Variants in KANK3 observed in about 807,000 individuals in gnomAD.
KANK3 encodes the protein KN motif and ankyrin repeat domain-containing protein 3.
In KANK3, 61 loss-of-function variants were observed where a neutral mutation model predicts 65.4. The ratio of observed to expected loss-of-function variants is 0.93; its 90% CI spans 0.76 to 1.15. KANK3 has a LOEUF of 1.15. KANK3 is among the 50% of genes most tolerant of loss of function. The pLI, the probability that KANK3 is intolerant of heterozygous loss-of-function variation, is 0.00. For missense variants in KANK3, 1,187 were observed against 1,178.8 expected (o/e 1.01, Z -0.10); for synonymous variants, 586 against 543.3 (o/e 1.08, Z -1.09).
chr19:8,327,951 T>C (rs1970457447), intron 7 of KANK3, among the ~76,000 whole-genome samples: 1 of 152,140 alleles, frequency 6.6e-6, no homozygotes, highest in African/African-American at 2.4e-5. Flanking sequence ...CCCTCTCCCT[T>C]TTCTCTTGCA....
At chr19:8,330,976 T>C (rs767758602) in intron 7 of KANK3, among the ~76,000 whole-genome samples, 7 of 151,720 alleles carry the variant, frequency 4.6e-5, no homozygotes, top group Non-Finnish European at 8.8e-5. Flanking sequence ...GGCAGGCAGA[T>C]GAGTTGAGGT....
At chr19:8,341,043 C>G (rs1420299311) in intron 1 of KANK3, among the ~76,000 whole-genome samples, 1 of 152,086 alleles carries the variant, frequency 6.6e-6, no homozygotes, top group Admixed American at 6.6e-5. Context: ...ACCCAAATCC[C>G]AGGCCCTGGG....
chr19:8,338,039 T>TTG (rs1381297077), intron 1 of KANK3, 183 bp from the exon 2 acceptor site: 1 of 686,714 alleles, frequency 1.5e-6, no homozygotes, highest in Non-Finnish European at 1.8e-6. Context: ...TTTTTTTTTT[T>TTG]GGGACAGAGT....
chr19:8,339,833 A>G (rs2145442485), intron 1 of KANK3, among the ~76,000 whole-genome samples: 1 of 152,164 alleles, frequency 6.6e-6, no homozygotes, highest in Non-Finnish European at 1.5e-5. Flanking sequence ...ATGTGTTGGC[A>G]TGCACCTGTA....
At chr19:8,323,071 A>C (rs1043660778) in intron 10 of KANK3, 149 bp from the exon 11 acceptor site, 1 of 498,566 alleles carries the variant, frequency 2.0e-6, no homozygotes, top group Non-Finnish European at 3.5e-6. Context: ...TCTGACCTGG[A>C]AGAGGCGCTT....
At chr19:8,323,850 C>G (rs764441656) in intron 10 of KANK3, among the ~76,000 whole-genome samples, 1 of 152,196 alleles carries the variant, frequency 6.6e-6, no homozygotes, top group African/African-American at 2.4e-5. Flanking sequence ...TGGCACTTGG[C>G]CATCAGAGTA....
At chr19:8,331,246 A>G (rs962044654) in intron 7 of KANK3, among the ~76,000 whole-genome samples, 1 of 152,052 alleles carries the variant, frequency 6.6e-6, no homozygotes, top group Non-Finnish European at 1.5e-5. Context: ...TGTAGGAGAT[A>G]AAGGGGCCAA....
At chr19:8,336,066 A>G (rs1970632585) in intron 2 of KANK3, among the ~76,000 whole-genome samples, 1 of 150,232 alleles carries the variant, frequency 6.7e-6, no homozygotes, top group South Asian at 2.1e-4. Flanking sequence ...TGGTAATAAT[A>G]ACAGGGAATA....
In KANK3 at chr19:8,333,893, T is replaced by C. The variant is rs1302262635; in HGVS notation, c.1634+17A>G. On this transcript the variant is annotated intron_variant, in intron 5 of 10. Transcript: ENST00000330915. This position sits in a 1 kb window ranked among gnomAD's most constrained non-coding sequence, Gnocchi z 5.0. ...GGCAGCCGCCTCCTCTCCAAACAAC[T>C]AGCGAGCGCCGCTCACCTCCCCTGT... The C allele has an allele frequency of 6.4e-7, 1 of 1,570,950 alleles. No individual in the cohort carries two copies. The highest frequency in any genetic ancestry group is 1.2e-5 in the South Asian group (1 of 86,032).
At chr19:8,325,120 C>T (rs1970402121) in intron 7 of KANK3, 24 bp from the exon 8 acceptor site, 2 of 1,597,924 alleles carry the variant, frequency 1.3e-6, no homozygotes. Flanking sequence ...GGGGGCCGTC[C>T]ACGGAGATGC....
Position 8,334,078 on chromosome 19 carries a change from TCGCTGTCGC to T in KANK3, c.1457_1465del (p.Ser486_Asp489delinsAsn). On this transcript the variant is annotated inframe_deletion, in exon 5 of 11. Transcript: ENST00000330915. ...GGCGCCACCGTTCTCGCTGTCGCCATCGCTGTCGCTGGCGTCCTCGCTGGAGGAGCTCTC... is the reference window on the plus strand; with the variant it reads ...GGCGCCACCGTTCTCGCTGTCGCCATTGGCGTCCTCGCTGGAGGAGCTCTC... The T allele has an allele frequency of 3.3e-6, 4 of 1,198,966 alleles. No homozygotes were observed. The highest frequency in any genetic ancestry group is 4.4e-6 in the Non-Finnish European group (4 of 913,726). 74.3% of individuals were successfully genotyped at this position (1,198,966 alleles called of 1,614,324 possible).
chr19:8,342,183 G>C (rs1345432166), intron 1 of KANK3, among the ~76,000 whole-genome samples: 1 of 152,018 alleles, frequency 6.6e-6, no homozygotes, highest in Non-Finnish European at 1.5e-5. Flanking sequence ...TAGTAGAGAC[G>C]GGTTTCATCA....
At chr19:8,337,746 T>C (rs765284390) in intron 2 of KANK3, 49 bp downstream of exon 2, 2 of 1,601,122 alleles carry the variant, frequency 1.2e-6, no homozygotes. Context: ...ATCAAGCGTT[T>C]CTCTGTGCAT....
intron 2 of KANK3, among the ~76,000 whole-genome samples, chr19:8,337,199 ATT>A (rs33926642): frequency 0.027 from 2,415 of 88,750 alleles, 85 homozygotes; most frequent in South Asian, 0.18. Flanking sequence ...TGCCTGGCTA[ATT>A]TTTTTTTTTT....
At chr19:8,339,032 C>T (rs928532713) in intron 1 of KANK3, among the ~76,000 whole-genome samples, 2 of 151,986 alleles carry the variant, frequency 1.3e-5, no homozygotes, top group East Asian at 1.9e-4. Flanking sequence ...CCTGGAATGT[C>T]GCTAGCGGAG....
chr19:8,324,437 A>G lies in KANK3; in HGVS notation c.2382+12T>C, dbSNP rs763440407. 43 of 1,584,386 alleles carry G rather than the reference A, an allele frequency of 2.7e-5. No homozygotes were observed. The highest frequency in any genetic ancestry group is 1.8e-4 in the Admixed American group (10 of 55,224). ...AGCTGGGAAAGTTTGTTTCTTCCAG[A>G]GCTGTGCTCACCTGGGTGTCGGGCT... is the stretch of plus-strand genomic sequence containing the variant. On this transcript the variant is annotated intron_variant, in intron 10 of 10. Coordinates refer to ENST00000330915, the MANE Select transcript of KANK3 (RefSeq NM_198471.3).
intron 1 of KANK3, among the ~76,000 whole-genome samples, chr19:8,340,831 C>T (rs979628882): frequency 1.3e-5 from 2 of 152,226 alleles, no homozygotes; most frequent in Non-Finnish European, 2.9e-5. Context: ...TTCACACCAG[C>T]TGCAAGGGGT....
Position 8,322,809 on chromosome 19 carries a change from A to G in KANK3, c.*30T>C, listed in dbSNP as rs1185001595. On this transcript the variant is annotated 3_prime_UTR_variant, in exon 11 of 11. Transcript: ENST00000330915. ...GTGACTGACGAGGAGATCTCCCCAC[A>G]GCTAGGTGTAGTGAGCCAGACGAGG... is the stretch of plus-strand genomic sequence containing the variant. 6.5e-7 allele frequency: 1 copy of G among 1,539,140 alleles called. No individual in the cohort carries two copies. Among genetic ancestry groups the G allele is most frequent in the Admixed American group, 1.7e-5 (1 of 58,536 alleles).
At chr19:8,334,202 T>C (rs1359671252) in intron 4 of KANK3, 86 bp from the exon 5 acceptor site, 1 of 1,511,896 alleles carries the variant, frequency 6.6e-7, no homozygotes, top group African/African-American at 1.4e-5. Flanking sequence ...CGTTCCCATT[T>C]AACGATGAGG....
Sources: gnomAD v4.1 joint callset for allele counts (sites outside exome capture counted in the v4.1 genomes callset) on GRCh38, gnomAD v4.1.1 for gene constraint, Gnocchi (gnomAD v3.1) non-coding constraint, MANE v1.5 for transcripts, NCBI Gene and HGNC (gene_info 2026-07-23, HGNC 2026-07-21) for gene names.